CFAP298: variants seen among roughly 807,000 people sequenced by gnomAD.
The protein encoded by CFAP298 is cilia and flagella associated protein 298.
Under a neutral mutation model 41.0 loss-of-function variants are expected in CFAP298, and 38 were observed. That is an observed-to-expected ratio of 0.93 (90% CI 0.72 to 1.22). The LOEUF (loss-of-function observed/expected upper bound fraction) is 1.22, where lower values mean the gene tolerates loss of function less well. CFAP298 is among the 50% of genes most tolerant of loss of function. The pLI, the probability that CFAP298 is intolerant of heterozygous loss-of-function variation, is 0.00. For synonymous variants in CFAP298, 137 were observed against 135.3 expected, an observed-to-expected ratio of 1.01 and a Z score of -0.09; for missense variants, 348 against 360.3, an observed-to-expected ratio of 0.97 and a Z score of 0.28.
At position 32,600,393 on chromosome 21, in the gene CFAP298, C is replaced by T. The variant is rs1267503749; in HGVS notation, c.*1470G>A. ...CCTGGCAGCAGGCAGGAACCAAACC[C>T]CTGCCACCTCCACTCACTCCCAGGG... is the stretch of plus-strand genomic sequence containing the variant. On this transcript the variant is annotated 3_prime_UTR_variant, in exon 7 of 7. Transcript: ENST00000290155. Among the ~76,000 whole-genome samples, 2 of 152,216 alleles carry T rather than the reference C, an allele frequency of 1.3e-5. No individual in the cohort carries two copies. The highest frequency in any genetic ancestry group is 2.9e-5 in the Non-Finnish European group (2 of 68,020).
chr21:32,608,198 AAAT>A (rs1245353960), intron 2 of CFAP298, among the ~76,000 whole-genome samples: 3 of 151,794 alleles, frequency 2.0e-5, no homozygotes, highest in Non-Finnish European at 4.4e-5. Flanking sequence ...GATCAGGAAA[AAAT>A]AATAACTTGA....
In CFAP298 at chr21:32,599,724, GCCACAGCGGGCA is replaced by G. The variant is rs1313584969; in HGVS notation, c.*2127_*2138del. 6.6e-6 allele frequency among the ~76,000 whole-genome samples: 1 copy of G among 152,176 alleles called. No individual in the cohort carries two copies. The highest frequency in any genetic ancestry group is 1.5e-5 in the Non-Finnish European group (1 of 68,042). ...GCAAAGGGAACACACACAGCACGGT[GCCACAGCGGGCA>G]CCACCTGCCCCCCGCCGTCACAGAT... On this transcript the variant is annotated 3_prime_UTR_variant, in exon 7 of 7. Coordinates refer to ENST00000290155, the MANE Select transcript of CFAP298 (RefSeq NM_021254.4).
At position 32,612,112 on chromosome 21, in the gene CFAP298, G is replaced by C. The variant is rs1335144253; in HGVS notation, c.132C>G (p.Leu44=). The change falls in exon 1 of 7, where the codon CTC becomes CTG. Residue 44 remains leucine (L), a synonymous_variant. Coordinates refer to ENST00000290155, the MANE Select transcript of CFAP298 (RefSeq NM_021254.4). ...VYNGRLKVQR[L]CSEMEELAEH... is the part of the protein sequence containing the mutation. ...CCCACCCGCGAGCCGCACCTGAGCA[G>C]AGGCGCTGCACCTTGAGCCGCCCAT... 6.4e-7 allele frequency: 1 copy of C among 1,554,060 alleles called. No homozygotes were observed. The highest frequency in any genetic ancestry group is 2.4e-5 in the East Asian group (1 of 41,298).
intron 2 of CFAP298, among the ~76,000 whole-genome samples, chr21:32,608,114 C>T (rs944236717): frequency 1.3e-5 from 2 of 151,482 alleles, no homozygotes; most frequent in South Asian, 2.1e-4. Flanking sequence ...GGGGTAGCTG[C>T]GTCTCCTTAC....
Position 32,603,179 on chromosome 21 carries a change from A to C in CFAP298, c.648T>G (p.Ile216Met). Residue 216 changes from isoleucine (I) to methionine (M), a missense_variant, in exon 5 of 7, where the codon ATT becomes ATG. Transcript: ENST00000290155. ...TACTTACTTGCTGAATCTTGGCGAT[A>C]ATTTTGGTTTTTTCATTCTTCCCCA... ...DYVGKNEKTK[I>M]IAKIQQRGQG... 1.2e-6 allele frequency: 2 copies of C among 1,614,148 alleles called. No homozygotes were observed. The highest frequency in any genetic ancestry group is 1.1e-5 in the South Asian group (1 of 91,090).
chr21:32,604,273 T>A lies in CFAP298; in HGVS notation c.386A>T (p.Glu129Val). Reference protein sequence around the residue: ...AKAIISKKQVEAGVCVTMEMV... With the variant: ...AKAIISKKQVVAGVCVTMEMV... ...CTCCATGGTAACACAGACACCGGCT[T>A]CCACTTGTTTCTGCAAGCAGAAAGC... Residue 129 changes from glutamate (E) to valine (V), a missense_variant, in exon 4 of 7, where the codon GAA (glutamate) becomes GTA (valine). Physicochemically the swap from Glu to Val is moderately radical, Grantham distance 121. Coordinates refer to ENST00000290155, the MANE Select transcript of CFAP298 (RefSeq NM_021254.4). The A allele has an allele frequency of 5.0e-6, 8 of 1,614,062 alleles. No individual in the cohort carries two copies. The highest frequency in any genetic ancestry group is 6.8e-6 in the Non-Finnish European group (8 of 1,180,014).
At chr21:32,603,337 G>C (rs1308014305) in intron 4 of CFAP298, 45 bp from the exon 5 acceptor site, 8 of 1,609,398 alleles carry the variant, frequency 5.0e-6, no homozygotes, top group South Asian at 4.4e-5. Context: ...TTCCCACCCA[G>C]GGGGCAGAGC....
chr21:32,612,290 T>A lies in CFAP298; in HGVS notation c.-47A>T. On this transcript the variant is annotated 5_prime_UTR_variant, in exon 1 of 7. Coordinates refer to ENST00000290155, the MANE Select transcript of CFAP298 (RefSeq NM_021254.4). ...AGGCGTTGAGAAGGCCCCGGCTGCG[T>A]GGCCCGCGGGTCCTGCCGGCCGAGG... 1 of 1,399,630 alleles carries A rather than the reference T, an allele frequency of 7.1e-7. No homozygotes were observed. The allele number at this position is 1,399,630 out of a possible 1,614,324, so 86.7% of individuals were successfully genotyped here. A position where few individuals can be genotyped will look rare whatever the true frequency, so the allele number is the denominator to read the frequency against.
chr21:32,609,833 C>G lies in CFAP298; in HGVS notation c.307+5G>C, dbSNP rs1601164015. On this transcript the variant is annotated splice_donor_5th_base_variant and intron_variant, in intron 2 of 6. Coordinates refer to ENST00000290155, the MANE Select transcript of CFAP298 (RefSeq NM_021254.4). Reference sequence around the variant, plus strand: ...CATGCACATAGAAGAGAAATCCTCACTTACCTTGCCCATTCCTTCGTCCAA... The same window carrying G: ...CATGCACATAGAAGAGAAATCCTCAGTTACCTTGCCCATTCCTTCGTCCAA... 6.2e-7 allele frequency: 1 copy of G among 1,612,174 alleles called. No homozygotes were observed.
rs868801620 is a variant in CFAP298 at position 32,604,195 on chromosome 21, G to A, written c.464C>T (p.Pro155Leu). 1 of 1,614,096 alleles carries A rather than the reference G, an allele frequency of 6.2e-7. No homozygotes were observed. Among genetic ancestry groups the A allele is most frequent in the Non-Finnish European group, 8.5e-7 (1 of 1,180,012 alleles). Residue 155 changes from proline to leucine, a missense_variant, in exon 4 of 7, where the codon CCC (proline) becomes CTC (leucine). Coordinates refer to ENST00000290155, the MANE Select transcript of CFAP298 (RefSeq NM_021254.4). The stretch of plus-strand genomic sequence containing the variant: ...GGGATCATACGGTGGCAACCCCATG[G>A]GGTAAACAATCATCACCGCGCCTCG... Reference protein sequence around the residue: ...QLRGAVMIVYPMGLPPYDPIR... With the variant: ...QLRGAVMIVYLMGLPPYDPIR...
In CFAP298 at chr21:32,609,859, T is replaced by C. The variant is rs1323581636; in HGVS notation, c.286A>G (p.Ile96Val). The C allele has an allele frequency of 4.3e-6, 7 of 1,613,830 alleles. No individual in the cohort carries two copies. The highest frequency in any genetic ancestry group is 5.9e-6 in the Non-Finnish European group (7 of 1,179,908). The stretch of plus-strand genomic sequence containing the variant: ...TTACCTTGCCCATTCCTTCGTCCAA[T>C]ATCATCCTTTTTAAACACTGCACCT... ...SGGAVFKKDD[I>V]GRRNGQAPNE... Residue 96 changes from isoleucine to valine, a missense_variant, in exon 2 of 7, where the codon ATT (isoleucine) becomes GTT (valine). Coordinates refer to ENST00000290155, the MANE Select transcript of CFAP298 (RefSeq NM_021254.4).
At position 32,604,254 on chromosome 21, in the gene CFAP298, G is replaced by C. The variant is rs767547858; in HGVS notation, c.405C>G (p.Thr135=). The C allele has an allele frequency of 1.2e-6, 2 of 1,614,052 alleles. No individual in the cohort carries two copies. Among genetic ancestry groups the C allele is most frequent in the Non-Finnish European group, 8.5e-7 (1 of 1,180,036 alleles). The change falls in exon 4 of 7, where the codon ACC becomes ACG. Residue 135 remains threonine, a synonymous_variant. Coordinates refer to ENST00000290155, the MANE Select transcript of CFAP298 (RefSeq NM_021254.4). ...CCAAGGCATCTTTCACCATCTCCAT[G>C]GTAACACAGACACCGGCTTCCACTT... ...KKQVEAGVCV[T]MEMVKDALDQ...
In CFAP298 at chr21:32,611,341, T is replaced by TATATACATATATATA. The variant is rs1491095261; in HGVS notation, c.139+763_139+764insTATATATATGTATAT. Among the ~76,000 whole-genome samples the TATATACATATATATA allele has an allele frequency of 9.2e-4, 109 of 118,420 alleles. 5 individuals are homozygous for TATATACATATATATA. The highest frequency in any genetic ancestry group is 4.2e-3 in the African/African-American group (104 of 24,512). 77.7% of individuals were successfully genotyped at this position (118,420 alleles called of 152,430 possible). A position where few individuals can be genotyped will look rare whatever the true frequency, so the allele number is the denominator to read the frequency against. ...ACCATATATATATATATATATATAA[T>TATATACATATATATA]TTATTTATATTTATATATACATATA... On this transcript the variant is annotated intron_variant, in intron 1 of 6. Transcript: ENST00000290155.
intron 3 of CFAP298, 42 bp downstream of exon 3, chr21:32,607,607 A>AAAAAC: frequency 3.0e-6 from 4 of 1,314,594 alleles, no homozygotes; most frequent in Non-Finnish European, 3.2e-6. Flanking sequence ...AAAAAAAAAA[A>AAAAAC]AAAACCCAAC....
intron 5 of CFAP298, chr21:32,602,633 A>G (rs2038769093): frequency 7.7e-7 from 1 of 1,294,050 alleles, no homozygotes; most frequent in Non-Finnish European, 9.8e-7. Context: ...AGGCAGGTCC[A>G]GTGGGAAAGG....
rs558610475 is a variant in CFAP298 at position 32,601,588 on chromosome 21, C to T, written c.*275G>A. The T allele has an allele frequency of 1.9e-5, 5 of 263,390 alleles. No homozygotes were observed. Among genetic ancestry groups the T allele is most frequent in the East Asian group, 8.1e-5 (1 of 12,338 alleles). The allele number at this position is 263,390 out of a possible 1,614,324, so 16.3% of individuals were successfully genotyped here. ...CTGGGATTACAGGCGTGAGCCACCG[C>T]GCCCGGCCAAAAGTTTAGTATTTTA... is the stretch of plus-strand genomic sequence containing the variant. On this transcript the variant is annotated 3_prime_UTR_variant, in exon 7 of 7. Coordinates refer to ENST00000290155, the MANE Select transcript of CFAP298 (RefSeq NM_021254.4).
chr21:32,607,963 C>T (rs1432804200), intron 2 of CFAP298, among the ~76,000 whole-genome samples: 3 of 152,104 alleles, frequency 2.0e-5, no homozygotes, highest in African/African-American at 7.2e-5. Flanking sequence ...AAATGCATGT[C>T]GTTGGGTAAA....
chr21:32,606,469 C>A (rs893766229), intron 3 of CFAP298, among the ~76,000 whole-genome samples: 10 of 152,198 alleles, frequency 6.6e-5, no homozygotes, highest in Admixed American at 4.6e-4. Flanking sequence ...GAGAAGGGTG[C>A]AGAACAACAG....
In CFAP298 at chr21:32,609,830, TCA is replaced by T; in HGVS notation, c.307+6_307+7del. The T allele has an allele frequency of 4.3e-6, 7 of 1,611,128 alleles. No individual in the cohort carries two copies. Among genetic ancestry groups the T allele is most frequent in the Admixed American group, 1.7e-5 (1 of 59,760 alleles). ...AAGCATGCACATAGAAGAGAAATCC[TCA>T]CTTACCTTGCCCATTCCTTCGTCCA... On this transcript the variant is annotated splice_donor_region_variant and intron_variant, in intron 2 of 6. Transcript: ENST00000290155.
Sources: gnomAD v4.1 joint callset for allele counts (sites outside exome capture counted in the v4.1 genomes callset) on GRCh38, gnomAD v4.1.1 for gene constraint, MANE v1.5 for transcripts, NCBI Gene and HGNC (gene_info 2026-07-23, HGNC 2026-07-21) for gene names.